SPSB2: variants seen among roughly 807,000 people sequenced by gnomAD.
The protein encoded by SPSB2 is SPRY domain-containing SOCS box protein 2.
In SPSB2, 25 loss-of-function variants were observed where a neutral mutation model predicts 19.2. The observed-to-expected ratio is 1.30, with a 90% CI of 0.95 to 1.82. The LOEUF (loss-of-function observed/expected upper bound fraction) is 1.82. Among genes scored for constraint, SPSB2 ranks in the 40% most tolerant of loss-of-function variants. The pLI is 0.00. For missense variants in SPSB2, 413 were observed against 344.9 expected (o/e 1.20, Z -1.56); for synonymous variants, 153 against 154.9 (o/e 0.99, Z 0.09).
In SPSB2 at chr12:6,872,403, GTC is replaced by G. The variant is rs1221579540; in HGVS notation, c.497_498del (p.Arg166ThrfsTer125). ...TQGEQLEVPE[R>X]LLVVLDMEEG... ...TCCTCCATGTCCAGAACCACCAGCA[GTC>G]TCTCTGGCACCTCCAGCTGCTCACC... On this transcript the variant is annotated frameshift_variant, in exon 2 of 3. Transcript: ENST00000524270. LOFTEE classifies it high-confidence loss of function. The G allele has an allele frequency of 6.2e-7, 1 of 1,614,240 alleles. No individual in the cohort carries two copies. The highest frequency in any genetic ancestry group is 8.5e-7 in the Non-Finnish European group (1 of 1,180,038).
intron 2 of SPSB2, chr12:6,871,982 C>T: frequency 2.1e-6 from 3 of 1,450,600 alleles, no homozygotes; most frequent in Non-Finnish European, 2.7e-6. Context: ...GCAGTTCCTC[C>T]CTCCATTCTG....
intron 1 of SPSB2, 76 bp downstream of exon 1, chr12:6,873,170 G>A (rs998345024): frequency 1.2e-5 from 5 of 427,704 alleles, no homozygotes; most frequent in Non-Finnish European, 2.1e-5. Flanking sequence ...AGAGACTCTC[G>A]CGAGTTCGCC....
Position 6,871,914 on chromosome 12 carries a change from A to G in SPSB2, c.664+324T>C, listed in dbSNP as rs1944602395. 1.4e-5 allele frequency: 18 copies of G among 1,250,846 alleles called. No individual in the cohort carries two copies. In the East Asian group the frequency reaches 2.0e-4, roughly 14 times the overall value. The allele number at this position is 1,250,846 out of a possible 1,614,324, so 77.5% of individuals were successfully genotyped here. On this transcript the variant is annotated intron_variant, in intron 2 of 2. Coordinates refer to ENST00000524270, the MANE Select transcript of SPSB2 (RefSeq NM_032641.4). ...TTTGGACCTGTACATCAAACCCAGT[A>G]CCTAACGCTTTGCACCTCTTGCTCA...
intron 2 of SPSB2, 33 bp downstream of exon 2, chr12:6,872,205 G>A: frequency 6.2e-7 from 1 of 1,613,924 alleles, no homozygotes; most frequent in Non-Finnish European, 8.5e-7. Context: ...ACCAGGGACA[G>A]AAAGTTCTCC....
intron 2 of SPSB2, 84 bp from the exon 3 acceptor site, chr12:6,871,403 C>T: frequency 1.4e-6 from 2 of 1,439,146 alleles, no homozygotes; most frequent in Non-Finnish European, 1.9e-6. Flanking sequence ...ACTCAGATGC[C>T]TTTCTGCTTT....
chr12:6,871,142 AG>A lies in SPSB2; in HGVS notation c.*49del, dbSNP rs1565539677. On this transcript the variant is annotated 3_prime_UTR_variant, in exon 3 of 3. Transcript: ENST00000524270. ...CCAGCAGTGCCTCCCCACCTCCCCA[AG>A]GGGAGGGGTGGTGGCAAGACCTCAG... The A allele has an allele frequency of 6.4e-7, 1 of 1,552,590 alleles. No individual in the cohort carries two copies. Among genetic ancestry groups the A allele is most frequent in the Non-Finnish European group, 8.7e-7 (1 of 1,146,664 alleles).
chr12:6,872,162 T>C (rs781822380), intron 2 of SPSB2, 76 bp downstream of exon 2: 3 of 1,613,316 alleles, frequency 1.9e-6, no homozygotes, highest in Non-Finnish European at 2.5e-6. Flanking sequence ...CCCTCTGCTC[T>C]TGTCAGAAGA....
In SPSB2 at chr12:6,871,067, T is replaced by G; in HGVS notation, c.*125A>C. On this transcript the variant is annotated 3_prime_UTR_variant, in exon 3 of 3. Coordinates refer to ENST00000524270, the MANE Select transcript of SPSB2 (RefSeq NM_032641.4). ...TGGGGCTGTTGATTTCCGCAGAGCT[T>G]GGGTTGGGGTAGGGGCTCAGCCTCA... 4.9e-6 allele frequency: 6 copies of G among 1,230,712 alleles called. No homozygotes were observed. Among genetic ancestry groups the G allele is most frequent in the Non-Finnish European group, 5.7e-6 (5 of 876,748 alleles). 76.2% of individuals were successfully genotyped at this position (1,230,712 alleles called of 1,614,324 possible).
At position 6,872,978 on chromosome 12, in the gene SPSB2, T is replaced by C. The variant is rs782565927; in HGVS notation, c.-77A>G. 5.6e-5 allele frequency: 57 copies of C among 1,021,336 alleles called. No individual in the cohort carries two copies. In the East Asian group the frequency reaches 1.4e-3, roughly 25 times the overall value. 63.3% of individuals were successfully genotyped at this position (1,021,336 alleles called of 1,614,324 possible). On this transcript the variant is annotated 5_prime_UTR_variant, in exon 2 of 3. Coordinates refer to ENST00000524270, the MANE Select transcript of SPSB2 (RefSeq NM_032641.4). Reference sequence around the variant, plus strand: ...CTCTTCTGAAAGTTGAGCTCCAGTTTGGATTGACCTGGAAGGGAGCTGGGA... The same window carrying C: ...CTCTTCTGAAAGTTGAGCTCCAGTTCGGATTGACCTGGAAGGGAGCTGGGA...
chr12:6,872,145 G>A, intron 2 of SPSB2, 93 bp downstream of exon 2: 1 of 1,613,064 alleles, frequency 6.2e-7, no homozygotes, highest in Admixed American at 1.7e-5. Context: ...CTGGATGAAG[G>A]TCCATCCCCT....
rs1239234889 is a variant in SPSB2, at chr12:6,873,240, C to G, written c.-97+6G>C. The G allele has an allele frequency of 1.7e-5, 4 of 235,252 alleles. No homozygotes were observed. Among genetic ancestry groups the G allele is most frequent in the East Asian group, 8.1e-5 (1 of 12,336 alleles). 14.6% of individuals were successfully genotyped at this position (235,252 alleles called of 1,614,324 possible). On this transcript the variant is annotated splice_donor_region_variant and intron_variant, in intron 1 of 2. Transcript: ENST00000524270. The stretch of plus-strand genomic sequence containing the variant: ...TCGCCCGGAGCCCTCGCCGCTGCCC[C>G]CGAACCTCGGTTGACTTCCCAGCCC...
chr12:6,871,955 T>A, intron 2 of SPSB2: 1 of 1,430,666 alleles, frequency 7.0e-7, no homozygotes, highest in East Asian at 2.5e-5. Flanking sequence ...TGATATCTCC[T>A]GAATTCTCTC....
chr12:6,871,702 G>A (rs1337836402), intron 2 of SPSB2: 2 of 337,626 alleles, frequency 5.9e-6, no homozygotes, highest in African/African-American at 4.2e-5. Context: ...TTCCTGGGGA[G>A]GCTCCTCCCC....
Position 6,872,969 on chromosome 12 carries a change from G to A in SPSB2, c.-68C>T. The A allele has an allele frequency of 1.7e-6, 2 of 1,166,214 alleles. No individual in the cohort carries two copies. Among genetic ancestry groups the A allele is most frequent in the Non-Finnish European group, 2.4e-6 (2 of 830,298 alleles). The allele number at this position is 1,166,214 out of a possible 1,614,324, so 72.2% of individuals were successfully genotyped here. Reference sequence around the variant, plus strand: ...GGCGTCTTTCTCTTCTGAAAGTTGAGCTCCAGTTTGGATTGACCTGGAAGG... The same window carrying A: ...GGCGTCTTTCTCTTCTGAAAGTTGAACTCCAGTTTGGATTGACCTGGAAGG... On this transcript the variant is annotated 5_prime_UTR_variant, in exon 2 of 3. Coordinates refer to ENST00000524270, the MANE Select transcript of SPSB2 (RefSeq NM_032641.4).
chr12:6,871,808 A>G lies in SPSB2; in HGVS notation c.664+430T>C, dbSNP rs1944600260. On this transcript the variant is annotated intron_variant, in intron 2 of 2. Transcript: ENST00000524270. ...ATCCAGAGGTGTGGCTGAGGAAGGA[A>G]GTAGGTATGTGGCACAGAGACAGGT... 9.0e-6 allele frequency: 4 copies of G among 443,914 alleles called. No individual in the cohort carries two copies. In the South Asian group the frequency reaches 1.4e-4, roughly 15 times the overall value. 27.5% of individuals were successfully genotyped at this position (443,914 alleles called of 1,614,324 possible). A position where few individuals can be genotyped will look rare whatever the true frequency, so the allele number is the denominator to read the frequency against.
Position 6,872,739 on chromosome 12 carries a change from C to A in SPSB2, c.163G>T (p.Glu55Ter). Residue 55 changes from glutamate (E) to a stop codon, truncating the protein, a stop_gained, in exon 2 of 3, where the codon GAG becomes TAG. Transcript: ENST00000524270. LOFTEE classifies it high-confidence loss of function. ...RHGWNPKDCS[E>*]NIEVKEGGLY... ...CCTCCTTCCTTGACCTCGATGTTCT[C>A]TGAACAGTCTTTGGGGTTCCAACCG... 1 of 1,612,842 alleles carries A rather than the reference C, an allele frequency of 6.2e-7. No homozygotes were observed.
Position 6,872,268 on chromosome 12 carries a change from C to T in SPSB2, c.634G>A (p.Val212Ile). The change falls in exon 2 of 3, where the codon GTC becomes ATC. Residue 212 changes from valine to isoleucine, a missense_variant. Transcript: ENST00000524270. ...CTTTCGCCCAGGTAGCGGATGCGGA[C>T]CTGGCACTGGCCCCAGACAGCGCTT... is the stretch of plus-strand genomic sequence containing the variant. ...AVSAVWGQCQVRIRYLGERRA... is the reference protein window; with the variant it reads ...AVSAVWGQCQIRIRYLGERRA... The T allele has an allele frequency of 1.9e-6, 3 of 1,614,176 alleles. No homozygotes were observed. Among genetic ancestry groups the T allele is most frequent in the Non-Finnish European group, 2.5e-6 (3 of 1,180,036 alleles).
In SPSB2 at chr12:6,872,826, G is replaced by T. The variant is rs181213322; in HGVS notation, c.76C>A (p.Pro26Thr). 1 of 1,611,546 alleles carries T rather than the reference G, an allele frequency of 6.2e-7. No homozygotes were observed. The change falls in exon 2 of 3, where the codon CCC (proline) becomes ACC (threonine). Residue 26 changes from proline to threonine, a missense_variant. Pro to Thr is a conservative substitution (Grantham distance 38). Coordinates refer to ENST00000524270, the MANE Select transcript of SPSB2 (RefSeq NM_032641.4). ...GACAGCAGCTCTTCCAAGCCCTCGG[G>T]ACAGGAGAGGTCAGGGTACAGGGCC... ...PQALYPDLSCPEGLEELLSAP... is the reference protein window; with the variant it reads ...PQALYPDLSCTEGLEELLSAP...
intron 2 of SPSB2, 160 bp from the exon 3 acceptor site, chr12:6,871,479 G>A (rs1944593721): frequency 2.6e-6 from 2 of 783,558 alleles, no homozygotes; most frequent in South Asian, 3.6e-5. Context: ...CTGCCTCCCA[G>A]ATAAGATTTC....
Sources: gnomAD v4.1 joint callset for allele counts on GRCh38, gnomAD v4.1.1 for gene constraint, MANE v1.5 for transcripts, NCBI Gene and HGNC (gene_info 2026-07-23, HGNC 2026-07-21) for gene names.